SEMA6A: variants seen among roughly 807,000 people sequenced by gnomAD.
SEMA6A encodes the protein semaphorin-6A.
In SEMA6A, 25 loss-of-function variants were observed where a neutral mutation model predicts 96.8. The ratio of observed to expected loss-of-function variants is 0.26; its 90% CI spans 0.19 to 0.36. SEMA6A has a LOEUF of 0.36. SEMA6A is among the 10% of genes least tolerant of loss of function. The probability of loss-of-function intolerance (pLI) is 1.00; values close to 1 mark genes in which losing one functional copy is unlikely to be tolerated. For missense variants in SEMA6A, 1,363 were observed against 1,323.1 expected (o/e 1.03, Z -0.47); for synonymous variants, 612 against 518.0 (o/e 1.18, Z -2.46).
chr5:116,546,881 C>T (rs921449861), intron 1 of SEMA6A, among the ~76,000 whole-genome samples: 1 of 152,200 alleles, frequency 6.6e-6, no homozygotes, highest in Non-Finnish European at 1.5e-5. Context: ...CTTTTTATTG[C>T]TCATTATCGC....
chr5:116,519,203 A>G (rs1339327641), intron 1 of SEMA6A, among the ~76,000 whole-genome samples: 1 of 152,184 alleles, frequency 6.6e-6, no homozygotes, highest in African/African-American at 2.4e-5. Flanking sequence ...CTGCTCCACT[A>G]TTTGGAAGTA....
chr5:116,554,964 C>T (rs1760554195), intron 1 of SEMA6A: 1 of 152,158 alleles, frequency 6.6e-6, no homozygotes. Flanking sequence ...AACATCTGTC[C>T]ACTAGCATCT....
At chr5:116,482,905 T>G (rs1187156538) in intron 10 of SEMA6A, among the ~76,000 whole-genome samples, 1 of 152,202 alleles carries the variant, frequency 6.6e-6, no homozygotes, top group African/African-American at 2.4e-5. Context: ...TGGTACTAAT[T>G]ATCAGTTAAT....
chr5:116,500,863 G>A (rs1757844305), intron 3 of SEMA6A, among the ~76,000 whole-genome samples: 1 of 152,098 alleles, frequency 6.6e-6, no homozygotes. Context: ...AAAATTAGCT[G>A]GGCGTGGTGG....
intron 10 of SEMA6A, among the ~76,000 whole-genome samples, chr5:116,485,044 G>A (rs949360548): frequency 1.3e-5 from 2 of 152,142 alleles, no homozygotes; most frequent in African/African-American, 4.8e-5. Context: ...GTAGAGGGAT[G>A]AAACCAGAGA....
At chr5:116,505,459 GCACACACACA>G (rs35083865) in intron 1 of SEMA6A, among the ~76,000 whole-genome samples, 1 of 127,830 alleles carries the variant, frequency 7.8e-6, no homozygotes, top group Non-Finnish European at 1.6e-5. Context: ...ACACGCACGC[GCACACACACA>G]CACACACACA....
chr5:116,467,920 G>T (rs1755874938), intron 17 of SEMA6A, 173 bp from the exon 18 acceptor site: 2 of 633,644 alleles, frequency 3.2e-6, no homozygotes, highest in South Asian at 1.9e-5. Context: ...GTGGTGTGGG[G>T]TGTGTTCAGC....
chr5:116,560,088 G>A (rs1175197912), intron 1 of SEMA6A, among the ~76,000 whole-genome samples: 1 of 152,074 alleles, frequency 6.6e-6, no homozygotes, highest in Non-Finnish European at 1.5e-5. Context: ...CCCCACCTCT[G>A]GGCTTTGCTC....
Position 116,445,898 on chromosome 5 carries a change from G to T in SEMA6A, c.*715C>A, listed in dbSNP as rs1232145828. ...AGAGTCCTTTCCTTAAGGAAAAAAA[G>T]GGTGAACAATAAATAAAGAGTTACT... On this transcript the variant is annotated 3_prime_UTR_variant, in exon 19 of 19. Coordinates refer to ENST00000343348, the MANE Select transcript of SEMA6A (RefSeq NM_020796.5). 6.6e-6 allele frequency: 1 copy of T among 152,660 alleles called. No homozygotes were observed. Among genetic ancestry groups the T allele is most frequent in the Non-Finnish European group, 1.5e-5 (1 of 68,046 alleles). The allele number at this position is 152,660 out of a possible 1,614,324, so 9.5% of individuals were successfully genotyped here. A position where few individuals can be genotyped will look rare whatever the true frequency, so the allele number is the denominator to read the frequency against.
In SEMA6A at chr5:116,477,845, C is replaced by T; in HGVS notation, c.1649+1G>A. The T allele has an allele frequency of 6.2e-7, 1 of 1,613,708 alleles. No individual in the cohort carries two copies. ...CCTCTCCCACACCTCAGGCTGCCTA[C>T]CTGCTGTTGGGTGATAAATGGCTGC... On this transcript the variant is annotated splice_donor_variant, in intron 15 of 18. Transcript: ENST00000343348. LOFTEE classifies it high-confidence loss of function.
intron 1 of SEMA6A, among the ~76,000 whole-genome samples, chr5:116,522,407 C>T (rs1758999979): frequency 6.6e-6 from 1 of 152,112 alleles, no homozygotes; most frequent in Admixed American, 6.5e-5. Context: ...GCAGTATGGT[C>T]AGCCAATAGA....
intron 1 of SEMA6A, among the ~76,000 whole-genome samples, chr5:116,536,671 AG>A (rs1053818520): frequency 1.3e-5 from 2 of 152,224 alleles, no homozygotes; most frequent in African/African-American, 4.8e-5. Context: ...CCAAGAAGAA[AG>A]GCCCCCGATC....
intron 10 of SEMA6A, among the ~76,000 whole-genome samples, chr5:116,484,636 T>A (rs199773214): frequency 0.048 from 5,437 of 112,670 alleles, 114 homozygotes; most frequent in African/African-American, 0.06. Flanking sequence ...AAAAAAAAAA[T>A]AATAATAATA....
chr5:116,475,670 C>A lies in SEMA6A; in HGVS notation c.1650-67G>T. On this transcript the variant is annotated intron_variant, in intron 15 of 18. Transcript: ENST00000343348. ...ATAACGTGAGTCTTCAGAAATGAGT[C>A]AAGCTTCACTAAAGACAGTAACACA... is the stretch of plus-strand genomic sequence containing the variant. 4 of 1,166,692 alleles carry A rather than the reference C, an allele frequency of 3.4e-6. No individual in the cohort carries two copies. The South Asian group carries it at 4.1e-5, about 12-fold the overall frequency. The allele number at this position is 1,166,692 out of a possible 1,614,324, so 72.3% of individuals were successfully genotyped here. A position where few individuals can be genotyped will look rare whatever the true frequency, so the allele number is the denominator to read the frequency against.
chr5:116,447,967 A>G (rs554686374), intron 18 of SEMA6A, among the ~76,000 whole-genome samples, 156 bp from the exon 19 acceptor site: 1 of 152,084 alleles, frequency 6.6e-6, no homozygotes, highest in Non-Finnish European at 1.5e-5. Context: ...ACATTAACCA[A>G]TTAATCCTCC....
chr5:116,499,866 A>G (rs1189320501), intron 3 of SEMA6A, among the ~76,000 whole-genome samples: 1 of 152,192 alleles, frequency 6.6e-6, no homozygotes, highest in Non-Finnish European at 1.5e-5. Context: ...CTTGCTCCTA[A>G]CACTCATGTA....
chr5:116,496,691 A>G (rs1757619076), intron 4 of SEMA6A, among the ~76,000 whole-genome samples: 1 of 152,222 alleles, frequency 6.6e-6, no homozygotes, highest in Non-Finnish European at 1.5e-5. Flanking sequence ...ATCAATTTTT[A>G]TAAAGAAGGC....
At chr5:116,518,312 G>C (rs920843907) in intron 1 of SEMA6A, among the ~76,000 whole-genome samples, 1 of 152,132 alleles carries the variant, frequency 6.6e-6, no homozygotes, top group Non-Finnish European at 1.5e-5. Flanking sequence ...GAAATAAAAT[G>C]GAGGCAAATG....
intron 12 of SEMA6A, 45 bp downstream of exon 12, chr5:116,480,077 A>G (rs1756672822): frequency 1.9e-6 from 3 of 1,604,108 alleles, no homozygotes; most frequent in Non-Finnish European, 2.6e-6. Flanking sequence ...CCGACATGAG[A>G]TGAAGTTAGG....
Sources: gnomAD v4.1 joint callset for allele counts (sites outside exome capture counted in the v4.1 genomes callset) on GRCh38, gnomAD v4.1.1 for gene constraint, MANE v1.5 for transcripts, NCBI Gene and HGNC (gene_info 2026-07-23, HGNC 2026-07-21) for gene names.